Variants in ADGRB3 observed in about 807,000 individuals in gnomAD.
ADGRB3 encodes the protein brain-specific angiogenesis inhibitor 3.
In ADGRB3, 37 loss-of-function variants were observed where a neutral mutation model predicts 193.4. The ratio of observed to expected loss-of-function variants is 0.19; its 90% CI spans 0.15 to 0.25. The LOEUF (loss-of-function observed/expected upper bound fraction) is 0.25, where lower values mean the gene tolerates loss of function less well. ADGRB3 is among the 10% of genes least tolerant of loss of function. The pLI, the probability that ADGRB3 is intolerant of heterozygous loss-of-function variation, is 1.00. For missense variants in ADGRB3, 1,637 were observed against 1,852.9 expected, an observed-to-expected ratio of 0.88 and a Z score of 2.14; for synonymous variants, 690 against 644.2, an observed-to-expected ratio of 1.07 and a Z score of -1.08.
At chr6:69,255,043 T>C (rs1318882103) in intron 20 of ADGRB3, among the ~76,000 whole-genome samples, 4 of 151,560 alleles carry the variant, frequency 2.6e-5, no homozygotes, top group Admixed American at 1.3e-4. Context: ...GAACTCATCA[T>C]TTTTTATGGC....
At chr6:68,981,707 T>C (rs1018332715) in intron 10 of ADGRB3, among the ~76,000 whole-genome samples, 1 of 151,496 alleles carries the variant, frequency 6.6e-6, no homozygotes, top group African/African-American at 2.4e-5. Context: ...TCAGCAAAAC[T>C]TATACAAAAA....
At chr6:69,050,641 AAGTT>A (rs1442017937) in intron 15 of ADGRB3, among the ~76,000 whole-genome samples, 2 of 152,134 alleles carry the variant, frequency 1.3e-5, no homozygotes, top group African/African-American at 4.8e-5. Flanking sequence ...CAGATAATCA[AAGTT>A]AGTCACTTAT....
intron 15 of ADGRB3, among the ~76,000 whole-genome samples, chr6:69,053,983 G>A (rs894635165): frequency 2.0e-5 from 3 of 152,202 alleles, no homozygotes; most frequent in Non-Finnish European, 4.4e-5. Context: ...GGAAAGCCAT[G>A]AAAGTTCTGA....
intron 17 of ADGRB3, among the ~76,000 whole-genome samples, chr6:69,170,534 A>G (rs1315645011): frequency 6.6e-6 from 1 of 152,162 alleles, no homozygotes; most frequent in African/African-American, 2.4e-5. Flanking sequence ...AACTCTTATC[A>G]CAGCCAAGGA....
At chr6:69,283,464 A>C (rs1767481521) in intron 20 of ADGRB3, among the ~76,000 whole-genome samples, 2 of 152,064 alleles carry the variant, frequency 1.3e-5, no homozygotes, top group African/African-American at 4.8e-5. Flanking sequence ...ATAGGGGAAG[A>C]CTGGGCTTCT....
chr6:69,089,270 G>A (rs9346261), intron 17 of ADGRB3, among the ~76,000 whole-genome samples: 102,964 of 152,084 alleles, frequency 0.68, 35,805 homozygotes, highest in East Asian at 0.96. Flanking sequence ...AAACTTGTCA[G>A]AAATATTAAC....
intron 17 of ADGRB3, among the ~76,000 whole-genome samples, chr6:69,226,460 C>A (rs952660301): frequency 6.6e-6 from 1 of 152,046 alleles, no homozygotes; most frequent in African/African-American, 2.4e-5. Context: ...AACAATATAC[C>A]TGTCCTCATG....
chr6:69,199,655 T>G (rs1765378041), intron 17 of ADGRB3, among the ~76,000 whole-genome samples: 1 of 152,138 alleles, frequency 6.6e-6, no homozygotes, highest in African/African-American at 2.4e-5. Flanking sequence ...GACAAAGTTT[T>G]ATTGCAACAG....
intron 17 of ADGRB3, among the ~76,000 whole-genome samples, chr6:69,195,209 A>G (rs16900558): frequency 0.091 from 13,815 of 152,032 alleles, 687 homozygotes; most frequent in Middle Eastern, 0.24. Flanking sequence ...AATTGTACCA[A>G]TTGCAGATAC....
chr6:69,388,287 GCC>G (rs1237962179), intron 31 of ADGRB3, among the ~76,000 whole-genome samples: 1 of 152,034 alleles, frequency 6.6e-6, no homozygotes, highest in African/African-American at 2.4e-5. Flanking sequence ...CAAATAATAT[GCC>G]CCATAAGACA....
chr6:69,181,047 A>G (rs1775566584), intron 17 of ADGRB3, among the ~76,000 whole-genome samples: 1 of 152,162 alleles, frequency 6.6e-6, no homozygotes, highest in Non-Finnish European at 1.5e-5. Context: ...TCAGATCCCC[A>G]GGAGAAAAGT....
At chr6:68,977,439 A>G (rs1418034096) in intron 10 of ADGRB3, among the ~76,000 whole-genome samples, 4 of 152,282 alleles carry the variant, frequency 2.6e-5, no homozygotes, top group Non-Finnish European at 5.9e-5. Flanking sequence ...TTTGCTAAGA[A>G]TTAATAGTAT....
chr6:68,772,887 AAAAAAAAATATATAT>A (rs1386827143), intron 3 of ADGRB3, among the ~76,000 whole-genome samples: 32 of 48,284 alleles, frequency 6.6e-4, no homozygotes, highest in South Asian at 2.9e-3. Flanking sequence ...ACAAACAAAA[AAAAAAAAATATATAT>A]ATATATATAT....
At chr6:68,844,007 T>C (rs1335502919) in intron 3 of ADGRB3, among the ~76,000 whole-genome samples, 1 of 152,142 alleles carries the variant, frequency 6.6e-6, no homozygotes, top group African/African-American at 2.4e-5. Context: ...CTCTCACATA[T>C]ACAAATATCA....
chr6:69,257,099 G>T (rs935579341), intron 20 of ADGRB3, among the ~76,000 whole-genome samples: 3 of 152,052 alleles, frequency 2.0e-5, no homozygotes, highest in Non-Finnish European at 2.9e-5. Context: ...GCTGGATTCG[G>T]TTTGCCAGTA....
At chr6:68,960,336 T>A (rs1292216727) in intron 8 of ADGRB3, among the ~76,000 whole-genome samples, 1 of 152,186 alleles carries the variant, frequency 6.6e-6, no homozygotes, top group Non-Finnish European at 1.5e-5. Flanking sequence ...ATGTATACAA[T>A]ATTAGCAACT....
intron 17 of ADGRB3, among the ~76,000 whole-genome samples, chr6:69,146,689 G>T (rs574352473): frequency 3.9e-5 from 6 of 152,306 alleles, no homozygotes; most frequent in African/African-American, 1.4e-4. Flanking sequence ...TCATGGCAGT[G>T]GCCACTCTAG....
chr6:69,343,098 T>C (rs1769011366), intron 26 of ADGRB3, among the ~76,000 whole-genome samples: 1 of 151,886 alleles, frequency 6.6e-6, no homozygotes, highest in African/African-American at 2.4e-5. Context: ...ATACTATAAC[T>C]GTGATATTTT....
intron 15 of ADGRB3, among the ~76,000 whole-genome samples, chr6:69,052,298 A>T (rs895661498): frequency 6.6e-6 from 1 of 152,356 alleles, no homozygotes; most frequent in South Asian, 2.1e-4. Flanking sequence ...GGATTAAAAG[A>T]TGTGTATTTT....
Sources: gnomAD v4.1 joint callset for allele counts (sites outside exome capture counted in the v4.1 genomes callset) on GRCh38, gnomAD v4.1.1 for gene constraint, MANE v1.5 for transcripts, NCBI Gene and HGNC (gene_info 2026-07-23, HGNC 2026-07-21) for gene names.